The following NPM1 variants were observed in gnomAD, a reference collection of about 807,000 sequenced individuals.
The protein encoded by NPM1 is nucleophosmin 1.
A neutral mutation model predicts 44.1 loss-of-function variants in NPM1; 1 was observed. The observed-to-expected ratio is 0.02, with a 90% CI of 0.01 to 0.11. The LOEUF is 0.11. Ranked by LOEUF, NPM1 falls within the 10% of genes least tolerant of loss-of-function variation. The pLI, the probability that NPM1 is intolerant of heterozygous loss-of-function variation, is 1.00. For missense variants in NPM1, 197 were observed against 347.8 expected, an observed-to-expected ratio of 0.57 and a Z score of 3.45; for synonymous variants, 126 against 111.8, an observed-to-expected ratio of 1.13 and a Z score of -0.80.
intron 9 of NPM1, chr5:171,405,659 T>C: frequency 2.4e-6 from 1 of 425,088 alleles, no homozygotes; most frequent in Non-Finnish European, 4.2e-6. Flanking sequence ...CAAGATAACA[T>C]TCTGACCTTC....
intron 6 of NPM1, among the ~76,000 whole-genome samples, chr5:171,394,188 C>T (rs149199507): frequency 3.0e-4 from 45 of 151,590 alleles, no homozygotes; most frequent in Non-Finnish European, 4.7e-4. Context: ...ACTGCAGGCT[C>T]GGGGCACCAT....
rs1771787262 is a variant in NPM1 at position 171,410,711 on chromosome 5, A to G, written c.*146A>G. Reference sequence around the variant, plus strand: ...TGTTGTCCAGGTTCTATTGCCAAGAATGTGTTGTCCAAAATGCCTGTTTAG... The same window carrying G: ...TGTTGTCCAGGTTCTATTGCCAAGAGTGTGTTGTCCAAAATGCCTGTTTAG... On this transcript the variant is annotated 3_prime_UTR_variant, in exon 11 of 11. Coordinates refer to ENST00000296930, the MANE Select transcript of NPM1 (RefSeq NM_002520.7). 1.9e-6 allele frequency: 1 copy of G among 534,652 alleles called. No homozygotes were observed. Among genetic ancestry groups the G allele is most frequent in the Non-Finnish European group, 3.3e-6 (1 of 306,810 alleles). 33.1% of individuals were successfully genotyped at this position (534,652 alleles called of 1,614,324 possible). A position where few individuals can be genotyped will look rare whatever the true frequency, so the allele number is the denominator to read the frequency against.
intron 10 of NPM1, 36 bp downstream of exon 10, chr5:171,407,810 G>A (rs766605748): frequency 1.5e-6 from 2 of 1,321,454 alleles, no homozygotes; most frequent in Non-Finnish European, 2.2e-6. Context: ...TTAAATCCAA[G>A]TTTTTTTGTG....
At chr5:171,403,897 C>A (rs71589874) in intron 8 of NPM1, among the ~76,000 whole-genome samples, 1 of 32,828 alleles carries the variant, frequency 3.0e-5, no homozygotes, top group Non-Finnish European at 6.2e-5. Context: ...ACGGGGCGGC[C>A]GGCCAGGCGG....
At position 171,399,201 on chromosome 5, in the gene NPM1, A is replaced by C. The variant is rs533650204; in HGVS notation, c.525-952A>C. ...TTTTGAAATCAAGTGTGAGTTTTCT[A>C]GCTTTCTTCCTTTCCAGATTGCATT... On this transcript the variant is annotated intron_variant, in intron 6 of 10. Coordinates refer to ENST00000296930, the MANE Select transcript of NPM1 (RefSeq NM_002520.7). Among the ~76,000 whole-genome samples, 119 of 152,110 alleles carry C rather than the reference A, an allele frequency of 7.8e-4. 1 individual carries two copies. The highest frequency in any genetic ancestry group is 2.8e-3 in the African/African-American group (117 of 41,500).
intron 6 of NPM1, among the ~76,000 whole-genome samples, chr5:171,397,634 ATTCTTTT>A (rs147219757): frequency 0.029 from 4,386 of 152,110 alleles, 145 homozygotes; most frequent in Admixed American, 0.1. Flanking sequence ...AGTTGTAAGA[ATTCTTTT>A]TTCTTTTTTC....
At chr5:171,400,800 G>T in intron 7 of NPM1, 39 bp from the exon 8 acceptor site, 1 of 1,329,204 alleles carries the variant, frequency 7.5e-7, no homozygotes, top group Non-Finnish European at 1.1e-6. Flanking sequence ...ACTGTTGTTG[G>T]GGTCAGGGAC....
intron 6 of NPM1, among the ~76,000 whole-genome samples, chr5:171,396,908 G>A (rs530041524): frequency 6.6e-6 from 1 of 152,162 alleles, no homozygotes; most frequent in South Asian, 2.1e-4. Context: ...GGGAGGCGGA[G>A]GTTGCAGTGA....
intron 10 of NPM1, among the ~76,000 whole-genome samples, chr5:171,408,421 C>T (rs928536011): frequency 1.3e-5 from 2 of 152,122 alleles, no homozygotes; most frequent in African/African-American, 4.8e-5. Flanking sequence ...ACGGATGCTG[C>T]ATTTAATGGT....
At chr5:171,394,036 G>GTTTTTT (rs1214027227) in intron 6 of NPM1, among the ~76,000 whole-genome samples, 1 of 102,686 alleles carries the variant, frequency 9.7e-6, no homozygotes, top group East Asian at 3.0e-4. Context: ...TGCTGTTTTT[G>GTTTTTT]TTTTCTTTTT....
chr5:171,399,701 A>G (rs995164108), intron 6 of NPM1, among the ~76,000 whole-genome samples: 1 of 151,690 alleles, frequency 6.6e-6, no homozygotes, highest in South Asian at 2.1e-4. Context: ...TTTTAACACA[A>G]ATTCACTCTG....
chr5:171,403,603 C>G (rs1441823920), intron 8 of NPM1, among the ~76,000 whole-genome samples: 1 of 117,466 alleles, frequency 8.5e-6, no homozygotes, highest in Non-Finnish European at 1.9e-5. Context: ...GCGCCCCTCA[C>G]CTCCCGGACG....
chr5:171,400,499 C>G (rs542643905), intron 7 of NPM1, among the ~76,000 whole-genome samples: 1 of 149,676 alleles, frequency 6.7e-6, no homozygotes, highest in East Asian at 2.0e-4. Context: ...CAATGTCACC[C>G]GGGCTGGAGT....
At chr5:171,389,292 A>G (rs971375326) in intron 1 of NPM1, among the ~76,000 whole-genome samples, 1 of 152,224 alleles carries the variant, frequency 6.6e-6, no homozygotes, top group African/African-American at 2.4e-5. Context: ...TTAAGCATGT[A>G]TATGTATTGG....
In NPM1 at chr5:171,403,393, C is replaced by T. The variant is rs1446618951; in HGVS notation, c.670-1909C>T. On this transcript the variant is annotated intron_variant, in intron 8 of 10. Transcript: ENST00000296930. ...TAGTGCAGAACAAAATGAAAAGTCT[C>T]CCATGTCTACTTCTTTCTACACAGA... 3.8e-5 allele frequency among the ~76,000 whole-genome samples: 4 copies of T among 106,426 alleles called. No individual in the cohort carries two copies. The East Asian group carries it at 1.1e-3, about 30-fold the overall frequency. The allele number at this position is 106,426 out of a possible 152,430, so 69.8% of individuals were successfully genotyped here.
At chr5:171,395,621 G>GATGCCTTGAGGGAAACAAATATTA (rs1245767888) in intron 6 of NPM1, among the ~76,000 whole-genome samples, 2 of 152,196 alleles carry the variant, frequency 1.3e-5, no homozygotes, top group African/African-American at 4.8e-5. Context: ...AGTAGTAAAG[G>GATGCCTTGAGGGAAACAAATATTA]ATGCCTTGAG....
In NPM1 at chr5:171,400,940, T is replaced by G. The variant is rs1284466761; in HGVS notation, c.669+15T>G. 1 of 1,536,442 alleles carries G rather than the reference T, an allele frequency of 6.5e-7. No individual in the cohort carries two copies. Among genetic ancestry groups the G allele is most frequent in the Non-Finnish European group, 9.0e-7 (1 of 1,110,156 alleles). On this transcript the variant is annotated intron_variant, in intron 8 of 10. Coordinates refer to ENST00000296930, the MANE Select transcript of NPM1 (RefSeq NM_002520.7). ...CAAGATCAAAAGTAAGTGGCTACAT[T>G]TACACGTGGGTCTCATTGATCTAGT... is the stretch of plus-strand genomic sequence containing the variant.
At chr5:171,405,685 C>A (rs180914051) in intron 9 of NPM1, 2 of 366,572 alleles carry the variant, frequency 5.5e-6, no homozygotes, top group East Asian at 6.7e-5. Flanking sequence ...TAAAATAGAT[C>A]AGTGAAAACC....
intron 1 of NPM1, among the ~76,000 whole-genome samples, chr5:171,388,226 A>G (rs1770365579): frequency 6.6e-6 from 1 of 152,052 alleles, no homozygotes; most frequent in African/African-American, 2.4e-5. Context: ...AGCGGCCTGA[A>G]GCGTCTGGGG....
Sources: allele counts gnomAD v4.1 joint callset (sites outside exome capture counted in the v4.1 genomes callset), GRCh38; gene constraint gnomAD v4.1.1; transcripts MANE v1.5; gene names NCBI Gene and HGNC (gene_info 2026-07-23, HGNC 2026-07-21).